The following ZC3H12B variants were observed in gnomAD, a reference collection of about 807,000 sequenced individuals.
ZC3H12B encodes the protein zinc finger CCCH-type containing 12B.
In ZC3H12B, 7 loss-of-function variants were observed where a neutral mutation model predicts 43.9. The observed-to-expected ratio is 0.16, with a 90% CI of 0.09 to 0.30. ZC3H12B has a LOEUF of 0.30. Among genes scored for constraint, ZC3H12B ranks in the 10% least tolerant of loss-of-function variants. ZC3H12B has a pLI of 1.00. For synonymous variants in ZC3H12B, 222 were observed against 241.7 expected (o/e 0.92, Z 0.76); for missense variants, 475 against 670.2 (o/e 0.71, Z 3.22).
the ZC3H12B span, among the ~76,000 whole-genome samples, chrX:65,171,211 T>C: frequency 9.0e-6 from 1 of 111,329 alleles, no homozygotes; most frequent in African/African-American, 3.3e-5. Flanking sequence ...GAAGTACAGG[T>C]CGGGTTTCGG....
chrX:65,244,747 A>G, the ZC3H12B span, among the ~76,000 whole-genome samples: 237 of 107,768 alleles, frequency 2.2e-3, 2 homozygotes, highest in East Asian at 0.044. Flanking sequence ...AAAAAAAAAA[A>G]AAAAGAAAAC....
the ZC3H12B span, among the ~76,000 whole-genome samples, chrX:65,224,410 G>A: frequency 9.1e-4 from 102 of 112,495 alleles, no homozygotes; most frequent in Non-Finnish European, 1.4e-3. Context: ...TGGCCGAATA[G>A]GAACAGGTCT....
At chrX:65,340,960 A>C in the ZC3H12B span, among the ~76,000 whole-genome samples, 1 of 112,313 alleles carries the variant, frequency 8.9e-6, no homozygotes, top group African/African-American at 3.2e-5. Context: ...AAAAATCAAA[A>C]TAAAATGGCC....
the ZC3H12B span, among the ~76,000 whole-genome samples, chrX:65,183,874 G>A: frequency 1.0e-3 from 115 of 111,404 alleles, no homozygotes; most frequent in African/African-American, 3.3e-3. Flanking sequence ...ATAATTTGGG[G>A]AAGTTTTTAC....
chrX:65,291,433 G>A, the ZC3H12B span, among the ~76,000 whole-genome samples: 1 of 112,061 alleles, frequency 8.9e-6, no homozygotes. Flanking sequence ...ACAAAATGTA[G>A]TATGTACACA....
chrX:65,295,043 C>T, the ZC3H12B span, among the ~76,000 whole-genome samples: 1 of 110,789 alleles, frequency 9.0e-6, no homozygotes, highest in East Asian at 2.8e-4. Flanking sequence ...CCAAAAACTG[C>T]AGAATATACA....
the ZC3H12B span, among the ~76,000 whole-genome samples, chrX:65,190,611 G>C: frequency 1.9e-5 from 2 of 106,646 alleles, no homozygotes; most frequent in Non-Finnish European, 3.9e-5. Flanking sequence ...TCTGTTGTTG[G>C]TGTATAAGAA....
At chrX:65,450,312 A>AAT (rs1330063272) in intron 3 of ZC3H12B, among the ~76,000 whole-genome samples, 13 of 86,785 alleles carry the variant, frequency 1.5e-4, no homozygotes, top group African/African-American at 4.3e-4. Context: ...TCAAAAAAAA[A>AAT]ATATATATAT....
rs185919637 is a variant in ZC3H12B at position 65,393,222 on chromosome X, G to A, written n.296-5371G>A. The stretch of plus-strand genomic sequence containing the variant: ...GACCCTGCCAAATCCCCCTCTCTGA[G>A]AAACACCCAAGAATGATCAATAAAT... On this transcript the variant is annotated intron_variant and non_coding_transcript_variant, in intron 2 of 5. Coordinates refer to the ZC3H12B transcript ENST00000617377. Among the ~76,000 whole-genome samples the A allele has an allele frequency of 1.0e-3, 114 of 110,492 alleles. No individual in the cohort carries two copies. In the East Asian group the frequency reaches 0.031, roughly 30 times the overall value.
chrX:65,360,096 C>CA, the ZC3H12B span, among the ~76,000 whole-genome samples: 1 of 111,792 alleles, frequency 8.9e-6, no homozygotes, highest in South Asian at 3.7e-4. Context: ...AAAATATTTT[C>CA]AAAAAAGTGT....
chrX:65,372,853 C>T (rs2066266790), intron 2 of ZC3H12B, among the ~76,000 whole-genome samples: 1 of 111,759 alleles, frequency 8.9e-6, no homozygotes, highest in Admixed American at 9.5e-5. Flanking sequence ...TGTCTTTTTA[C>T]ATTGCTAAAT....
At chrX:65,353,712 G>C in the ZC3H12B span, among the ~76,000 whole-genome samples, 1 of 111,904 alleles carries the variant, frequency 8.9e-6, no homozygotes. Flanking sequence ...AAGATCCACT[G>C]GCTTGAAATT....
At chrX:65,045,790 T>C in the ZC3H12B span, among the ~76,000 whole-genome samples, 12 of 112,332 alleles carry the variant, frequency 1.1e-4, no homozygotes, top group African/African-American at 3.6e-4. Flanking sequence ...CAGCCGTAGA[T>C]TCATGAAATG....
At chrX:65,376,071 A>G (rs1223828804) in intron 2 of ZC3H12B, among the ~76,000 whole-genome samples, 2 of 111,854 alleles carry the variant, frequency 1.8e-5, no homozygotes, top group African/African-American at 6.5e-5. Context: ...CCACTGCCCT[A>G]AAGGGTGAGT....
the ZC3H12B span, among the ~76,000 whole-genome samples, chrX:65,195,960 G>A: frequency 2.7e-5 from 3 of 112,005 alleles, no homozygotes; most frequent in South Asian, 1.1e-3. Context: ...ATAAATGCAA[G>A]CCTCACTTTT....
At chrX:65,414,486 A>G (rs752136864) in intron 3 of ZC3H12B, among the ~76,000 whole-genome samples, 4 of 111,212 alleles carry the variant, frequency 3.6e-5, no homozygotes, top group African/African-American at 1.3e-4. Flanking sequence ...AATGTATAGA[A>G]CTATCTATTT....
At chrX:65,309,069 A>T in the ZC3H12B span, among the ~76,000 whole-genome samples, 1 of 111,181 alleles carries the variant, frequency 9.0e-6, no homozygotes, top group African/African-American at 3.3e-5. Context: ...TAACATCACA[A>T]TTAAAAGAAC....
chrX:65,280,945 G>A, the ZC3H12B span, among the ~76,000 whole-genome samples: 9,295 of 111,488 alleles, frequency 0.083, 1,024 homozygotes, highest in African/African-American at 0.29. Context: ...TGTTAAAATG[G>A]CAATACAACC....
the ZC3H12B span, among the ~76,000 whole-genome samples, chrX:65,121,332 G>T: frequency 6.3e-5 from 7 of 111,436 alleles, no homozygotes; most frequent in African/African-American, 2.3e-4. Context: ...TTCAGAGCCT[G>T]TTATTGGTCT....
Sources: gnomAD v4.1 joint callset for allele counts (sites outside exome capture counted in the v4.1 genomes callset) on GRCh38, gnomAD v4.1.1 for gene constraint, MANE v1.5 for transcripts, NCBI Gene and HGNC (gene_info 2026-07-23, HGNC 2026-07-21) for gene names.